The following EFR3A variants were observed in gnomAD, a reference collection of about 807,000 sequenced individuals.
EFR3A encodes the protein EFR3 homolog A, also known as protein EFR3 homolog A.
In EFR3A, 76 loss-of-function variants were observed where a neutral mutation model predicts 104.4. The observed-to-expected ratio is 0.73, with a 90% confidence interval of 0.60 to 0.88. The LOEUF (loss-of-function observed/expected upper bound fraction) is 0.88. EFR3A is among the 40% of genes least tolerant of loss of function. The probability of loss-of-function intolerance (pLI) is 0.00; values close to 1 mark genes in which losing one functional copy is unlikely to be tolerated. For missense variants in EFR3A, 985 were observed against 1,012.5 expected (o/e 0.97, Z 0.37); for synonymous variants, 330 against 330.0 (o/e 1.00, Z 0.00).
At chr8:131,978,059 T>C (rs1586640415) in intron 12 of EFR3A, among the ~76,000 whole-genome samples, 1 of 152,180 alleles carries the variant, frequency 6.6e-6, no homozygotes, top group South Asian at 2.1e-4. Context: ...AGCTGACTTA[T>C]AAAACTATCT....
In EFR3A at chr8:131,904,268, G is replaced by A; in HGVS notation, c.-45G>A. 1 of 1,280,626 alleles carries A rather than the reference G, an allele frequency of 7.8e-7. No homozygotes were observed. 79.3% of individuals were successfully genotyped at this position (1,280,626 alleles called of 1,614,324 possible). On this transcript the variant is annotated 5_prime_UTR_variant, in exon 1 of 23. Coordinates refer to ENST00000254624, the MANE Select transcript of EFR3A (RefSeq NM_015137.6). Reference sequence around the variant, plus strand: ...TGGTGCCGTCGGCGCTCCCTGCGCGGCCCCGCTGAGCCTCGGTGCGGCGGC... The same window carrying A: ...TGGTGCCGTCGGCGCTCCCTGCGCGACCCCGCTGAGCCTCGGTGCGGCGGC...
chr8:131,962,503 G>T (rs1819421115), intron 8 of EFR3A, among the ~76,000 whole-genome samples: 1 of 152,162 alleles, frequency 6.6e-6, no homozygotes, highest in Non-Finnish European at 1.5e-5. Context: ...TCAACAAGAA[G>T]AGCTGACTCT....
intron 15 of EFR3A, 98 bp downstream of exon 15, chr8:131,984,398 G>A: frequency 2.5e-6 from 3 of 1,180,664 alleles, no homozygotes; most frequent in South Asian, 1.8e-5. Flanking sequence ...ATTTTAAAAG[G>A]GAGGTATCTA....
At chr8:131,934,337 C>A (rs1393178099) in intron 1 of EFR3A, among the ~76,000 whole-genome samples, 20 of 152,016 alleles carry the variant, frequency 1.3e-4, no homozygotes, top group African/African-American at 4.8e-4. Flanking sequence ...CTTACTTGTT[C>A]TTCACGGGAG....
At chr8:131,978,595 C>T (rs1820433278) in intron 12 of EFR3A, among the ~76,000 whole-genome samples, 1 of 152,132 alleles carries the variant, frequency 6.6e-6, no homozygotes, top group Non-Finnish European at 1.5e-5. Context: ...AAAGTTAATA[C>T]ATATGCAGTG....
intron 1 of EFR3A, among the ~76,000 whole-genome samples, chr8:131,910,522 C>T (rs546724103): frequency 7.9e-5 from 12 of 152,226 alleles, no homozygotes; most frequent in Admixed American, 1.3e-4. Flanking sequence ...ATCTGCCTGC[C>T]TCGGCCTCGC....
At chr8:131,923,711 A>G (rs113138596) in intron 1 of EFR3A, among the ~76,000 whole-genome samples, 3,238 of 152,158 alleles carry the variant, frequency 0.021, 56 homozygotes, top group Middle Eastern at 0.044. Context: ...AAATAATAAA[A>G]TGAGAAAAGT....
chr8:131,959,220 G>A (rs1028345895), intron 7 of EFR3A, among the ~76,000 whole-genome samples: 12 of 152,080 alleles, frequency 7.9e-5, no homozygotes. Context: ...ATCTAAGGCT[G>A]TTCCCCTGTT....
Position 132,011,390 on chromosome 8 carries a change from TA to T in EFR3A, c.*497del, listed in dbSNP as rs1267131248. The T allele has an allele frequency of 2.6e-5, 26 of 986,076 alleles. No homozygotes were observed. Among genetic ancestry groups the T allele is most frequent in the Middle Eastern group, 5.2e-4 (1 of 1,914 alleles). The allele number at this position is 986,076 out of a possible 1,614,324, so 61.1% of individuals were successfully genotyped here. A position where few individuals can be genotyped will look rare whatever the true frequency, so the allele number is the denominator to read the frequency against. ...TGGCTTTTTGTCCCCATGCTTTAGA[TA>T]AGCTGGGATAGGCACCTTGCTATTC... On this transcript the variant is annotated 3_prime_UTR_variant, in exon 23 of 23. Coordinates refer to ENST00000254624, the MANE Select transcript of EFR3A (RefSeq NM_015137.6).
intron 1 of EFR3A, among the ~76,000 whole-genome samples, chr8:131,910,786 A>G (rs1343536748): frequency 6.6e-6 from 1 of 152,214 alleles, no homozygotes; most frequent in East Asian, 1.9e-4. Context: ...TCCAGTTATC[A>G]TATGCAGTGT....
In EFR3A at chr8:131,970,555, G is replaced by C; in HGVS notation, c.1071G>C (p.Gln357His). The change falls in exon 10 of 23, where the codon CAG becomes CAC. Residue 357 changes from glutamine (Q) to histidine (H), a missense_variant. Transcript: ENST00000254624. ...TTGAATTCGAAGCAAATGATTTACA[G>C]GGGGGATCTGTAGGCAGTGTCAACT... is the stretch of plus-strand genomic sequence containing the variant. Reference protein sequence around the residue: ...LSVEFEANDLQGGSVGSVNLN... With the variant: ...LSVEFEANDLHGGSVGSVNLN... 3 of 1,613,720 alleles carry C rather than the reference G, an allele frequency of 1.9e-6. No homozygotes were observed. The highest frequency in any genetic ancestry group is 2.5e-6 in the Non-Finnish European group (3 of 1,179,718).
At chr8:131,910,895 C>T in intron 1 of EFR3A, among the ~76,000 whole-genome samples, 1 of 152,126 alleles carries the variant, frequency 6.6e-6, no homozygotes, top group Non-Finnish European at 1.5e-5. Context: ...GGGTCCCAGA[C>T]AGTCTCAGAA....
intron 1 of EFR3A, among the ~76,000 whole-genome samples, chr8:131,922,522 A>G (rs1204678887): frequency 6.6e-6 from 1 of 152,178 alleles, no homozygotes; most frequent in Admixed American, 6.5e-5. Context: ...GATAAGGTTA[A>G]TTCAACCTTT....
intron 14 of EFR3A, among the ~76,000 whole-genome samples, chr8:131,983,715 CCA>C (rs1172384894): frequency 6.6e-6 from 1 of 152,038 alleles, no homozygotes; most frequent in African/African-American, 2.4e-5. Flanking sequence ...GGATTGTTCC[CCA>C]GTCAAGAGAG....
At chr8:131,913,042 G>GGT (rs1816584764) in intron 1 of EFR3A, among the ~76,000 whole-genome samples, 1 of 150,542 alleles carries the variant, frequency 6.6e-6, no homozygotes, top group Non-Finnish European at 1.5e-5. Flanking sequence ...CTTATTAAGT[G>GGT]GTGGTTTAAA....
chr8:131,993,355 T>C (rs1222738676), intron 18 of EFR3A, among the ~76,000 whole-genome samples: 1 of 152,170 alleles, frequency 6.6e-6, no homozygotes, highest in Non-Finnish European at 1.5e-5. Context: ...CATACTGTAT[T>C]GGCCAGGACT....
intron 4 of EFR3A, among the ~76,000 whole-genome samples, chr8:131,948,636 A>G (rs1818553416): frequency 6.6e-6 from 1 of 152,112 alleles, no homozygotes; most frequent in South Asian, 2.1e-4. Context: ...GGAGAATTTT[A>G]GTATACATTT....
At chr8:131,962,084 G>A (rs987890576) in intron 8 of EFR3A, among the ~76,000 whole-genome samples, 38 of 152,096 alleles carry the variant, frequency 2.5e-4, no homozygotes, top group Non-Finnish European at 4.0e-4. Flanking sequence ...AGGAACAACC[G>A]GTACCAGCCA....
In EFR3A at chr8:131,996,487, C is replaced by A; in HGVS notation, c.2147C>A (p.Ser716Tyr). 6.3e-7 allele frequency: 1 copy of A among 1,593,018 alleles called. No individual in the cohort carries two copies. Among genetic ancestry groups the A allele is most frequent in the Non-Finnish European group, 8.5e-7 (1 of 1,170,326 alleles). Residue 716 changes from serine (S) to tyrosine (Y), a missense_variant, in exon 19 of 23, where the codon TCT becomes TAT. By Grantham distance (144) the Ser-to-Tyr change is moderately radical. Coordinates refer to ENST00000254624, the MANE Select transcript of EFR3A (RefSeq NM_015137.6). ...GATATTTTATCCAACAATGTTCCTT[C>A]TGATGATGTGGTAAGTTACTGAAAG... ...QVDILSNNVPSDDVVSNTEEI... is the reference protein window; with the variant it reads ...QVDILSNNVPYDDVVSNTEEI...
Sources: allele counts gnomAD v4.1 joint callset (sites outside exome capture counted in the v4.1 genomes callset), GRCh38; gene constraint gnomAD v4.1.1; transcripts MANE v1.5; gene names NCBI Gene and HGNC (gene_info 2026-07-23, HGNC 2026-07-21).